The following ATP10A variants were observed in gnomAD, a reference collection of about 807,000 sequenced individuals.
The protein encoded by ATP10A is ATPase phospholipid transporting 10A (putative).
A neutral mutation model predicts 147.8 loss-of-function variants in ATP10A; 111 were observed. The observed-to-expected ratio is 0.75, with a 90% CI of 0.64 to 0.88. The LOEUF is 0.88. Among genes scored for constraint, ATP10A ranks in the 40% least tolerant of loss-of-function variants. The probability of loss-of-function intolerance (pLI) is 0.00; values close to 1 mark genes in which losing one functional copy is unlikely to be tolerated. For missense variants in ATP10A, 1,927 were observed against 1,959.0 expected, an observed-to-expected ratio of 0.98 and a Z score of 0.31; for synonymous variants, 875 against 841.6, an observed-to-expected ratio of 1.04 and a Z score of -0.69.
At chr15:25,819,524 A>C (rs1030766969) in intron 1 of ATP10A, among the ~76,000 whole-genome samples, 1 of 152,194 alleles carries the variant, frequency 6.6e-6, no homozygotes, top group Non-Finnish European at 1.5e-5. Flanking sequence ...AGATTTCTCA[A>C]AGAACTAGAA....
At chr15:25,811,554 C>G (rs891199454) in intron 1 of ATP10A, among the ~76,000 whole-genome samples, 1 of 152,150 alleles carries the variant, frequency 6.6e-6, no homozygotes, top group Non-Finnish European at 1.5e-5. Context: ...CAACGCAGCT[C>G]TTGTTAGAGG....
intron 1 of ATP10A, among the ~76,000 whole-genome samples, chr15:25,851,655 C>T (rs1174482286): frequency 4.6e-5 from 7 of 152,156 alleles, no homozygotes; most frequent in African/African-American, 1.7e-4. Flanking sequence ...CCTCAAAATT[C>T]TCAGTGGGGA....
intron 1 of ATP10A, among the ~76,000 whole-genome samples, chr15:25,834,914 A>G (rs1033644940): frequency 1.3e-5 from 2 of 152,164 alleles, no homozygotes; most frequent in African/African-American, 2.4e-5. Flanking sequence ...GACTAGGTAA[A>G]TCTGTGGAGG....
At chr15:25,700,754 G>C (rs1900613091) in intron 13 of ATP10A, among the ~76,000 whole-genome samples, 1 of 152,048 alleles carries the variant, frequency 6.6e-6, no homozygotes, top group Admixed American at 6.6e-5. Context: ...TGGATAGGGT[G>C]GTGTATATAC....
chr15:25,672,953 G>T (rs569742420), downstream of ATP10A, among the ~76,000 whole-genome samples: 89 of 152,174 alleles, frequency 5.8e-4, no homozygotes, highest in Non-Finnish European at 1.1e-3. Flanking sequence ...TGTGGTCACT[G>T]CTCCTGAGAC....
chr15:25,716,151 C>T (rs2140401826), intron 9 of ATP10A, among the ~76,000 whole-genome samples: 1 of 152,356 alleles, frequency 6.6e-6, no homozygotes, highest in Middle Eastern at 3.4e-3. Context: ...CATAAATCCT[C>T]CCCATGGCCC....
At chr15:25,772,707 GATC>G (rs1889400998) in intron 2 of ATP10A, among the ~76,000 whole-genome samples, 1 of 152,196 alleles carries the variant, frequency 6.6e-6, no homozygotes, top group African/African-American at 2.4e-5. Flanking sequence ...CGACCCTGAA[GATC>G]TGGCACAATT....
At chr15:25,793,063 G>T (rs1173725527) in intron 1 of ATP10A, among the ~76,000 whole-genome samples, 1 of 151,852 alleles carries the variant, frequency 6.6e-6, no homozygotes, top group Non-Finnish European at 1.5e-5. Flanking sequence ...TAGAGACAGG[G>T]TTTCTCCATG....
intron 1 of ATP10A, among the ~76,000 whole-genome samples, chr15:25,859,738 C>G (rs927428415): frequency 3.3e-5 from 5 of 152,222 alleles, no homozygotes; most frequent in Middle Eastern, 3.4e-3. Flanking sequence ...CTAACAGGCT[C>G]TAAGGGGATT....
chr15:25,857,315 C>T (rs914120809), intron 1 of ATP10A, among the ~76,000 whole-genome samples: 2 of 151,998 alleles, frequency 1.3e-5, no homozygotes, highest in Non-Finnish European at 2.9e-5. Flanking sequence ...GGTGTGGTGG[C>T]GTGCACCCGT....
intron 10 of ATP10A, 77 bp downstream of exon 10, chr15:25,713,597 G>T: frequency 7.3e-7 from 1 of 1,370,898 alleles, no homozygotes; most frequent in Non-Finnish European, 1.0e-6. Context: ...CTTTACTCAA[G>T]AGAAGGAATT....
chr15:25,859,417 C>G (rs1331954015), intron 1 of ATP10A, among the ~76,000 whole-genome samples: 1 of 152,174 alleles, frequency 6.6e-6, no homozygotes, highest in Admixed American at 6.5e-5. Flanking sequence ...TCTTCCCACC[C>G]GGGGCTGTGG....
At chr15:25,835,266 A>T (rs1241903725) in intron 1 of ATP10A, among the ~76,000 whole-genome samples, 1 of 152,236 alleles carries the variant, frequency 6.6e-6, no homozygotes, top group East Asian at 1.9e-4. Context: ...GTGAGACCTT[A>T]TCTCTTAAAA....
intron 1 of ATP10A, among the ~76,000 whole-genome samples, chr15:25,822,863 A>G (rs532699165): frequency 2.1e-4 from 32 of 152,354 alleles, no homozygotes; most frequent in Non-Finnish European, 4.6e-4. Flanking sequence ...GCTAATTTCA[A>G]CCTAAAATAA....
At chr15:25,810,297 G>A (rs765611332) in intron 1 of ATP10A, among the ~76,000 whole-genome samples, 2 of 152,194 alleles carry the variant, frequency 1.3e-5, no homozygotes, top group Non-Finnish European at 2.9e-5. Flanking sequence ...CTGGTCACCC[G>A]AGAGGGCAGA....
chr15:25,712,609 C>T (rs1372377496), intron 10 of ATP10A, among the ~76,000 whole-genome samples: 1 of 152,164 alleles, frequency 6.6e-6, no homozygotes, highest in East Asian at 1.9e-4. Context: ...TGGATGTAAA[C>T]AAGAATCGAT....
At chr15:25,720,150 T>C (rs927593402) in intron 7 of ATP10A, among the ~76,000 whole-genome samples, 1 of 152,190 alleles carries the variant, frequency 6.6e-6, no homozygotes, top group Non-Finnish European at 1.5e-5. Context: ...CTTCCAACTT[T>C]ATTATTATCT....
In ATP10A at chr15:25,706,966, G is replaced by A. The variant is rs141071865; in HGVS notation, c.2575+1010C>T. Among the ~76,000 whole-genome samples the A allele has an allele frequency of 1.7e-3, 254 of 152,246 alleles. 2 individuals are homozygous for A. The highest frequency in any genetic ancestry group is 5.7e-3 in the African/African-American group (238 of 41,546). On this transcript the variant is annotated intron_variant, in intron 12 of 20. Coordinates refer to ENST00000555815, the MANE Select transcript of ATP10A (RefSeq NM_024490.4). ...TGCTTTAGTAAGCCAAAACTTCAGG[G>A]CCTAAAACAGGCACAGCCATTTCTC... is the stretch of plus-strand genomic sequence containing the variant.
At chr15:25,765,477 T>G (rs186388168) in intron 2 of ATP10A, among the ~76,000 whole-genome samples, 6 of 152,150 alleles carry the variant, frequency 3.9e-5, no homozygotes, top group Admixed American at 2.0e-4. Flanking sequence ...CCACCCACAT[T>G]CCAGAATTCT....
Sources: allele counts gnomAD v4.1 joint callset (sites outside exome capture counted in the v4.1 genomes callset), GRCh38; gene constraint gnomAD v4.1.1; transcripts MANE v1.5; gene names NCBI Gene and HGNC (gene_info 2026-07-23, HGNC 2026-07-21).